Variants in KCNMB2 observed in about 807,000 individuals in gnomAD.
KCNMB2 encodes the protein potassium calcium-activated channel subfamily M regulatory beta subunit 2.
Under a neutral mutation model 24.5 loss-of-function variants are expected in KCNMB2, and 9 were observed. That is an observed-to-expected ratio of 0.37 (90% CI 0.22 to 0.64). The LOEUF (loss-of-function observed/expected upper bound fraction) is 0.64, where lower values mean the gene tolerates loss of function less well. Ranked by LOEUF, KCNMB2 falls within the 30% of genes least tolerant of loss-of-function variation. The probability of loss-of-function intolerance (pLI) is 0.63; values close to 1 mark genes in which losing one functional copy is unlikely to be tolerated. For missense variants in KCNMB2, 226 were observed against 284.3 expected, an observed-to-expected ratio of 0.79 and a Z score of 1.47; for synonymous variants, 109 against 104.4, an observed-to-expected ratio of 1.04 and a Z score of -0.27.
At chr3:178,615,460 T>C (rs1249117448) in intron 1 of KCNMB2, among the ~76,000 whole-genome samples, 1 of 152,206 alleles carries the variant, frequency 6.6e-6, no homozygotes, top group Admixed American at 6.5e-5. Context: ...ACTATTGTAT[T>C]GAGGCTGAGC....
intron 1 of KCNMB2, among the ~76,000 whole-genome samples, chr3:178,636,165 C>T (rs949572600): frequency 6.6e-6 from 1 of 152,154 alleles, no homozygotes; most frequent in Non-Finnish European, 1.5e-5. Flanking sequence ...TTTCCAAACC[C>T]AGCCCAGGGA....
chr3:178,625,335 C>A, intron 1 of KCNMB2, among the ~76,000 whole-genome samples: 1 of 152,084 alleles, frequency 6.6e-6, no homozygotes, highest in African/African-American at 2.4e-5. Context: ...AGGAGCTGGA[C>A]CCCCCCACCC....
chr3:178,712,785 C>T (rs1722496487), intron 1 of KCNMB2, among the ~76,000 whole-genome samples: 1 of 152,130 alleles, frequency 6.6e-6, no homozygotes, highest in Admixed American at 6.5e-5. Context: ...AACTGCCTTT[C>T]TATATAATCT....
chr3:178,663,655 C>A (rs1337326342), intron 1 of KCNMB2, among the ~76,000 whole-genome samples: 1 of 152,150 alleles, frequency 6.6e-6, no homozygotes, highest in Non-Finnish European at 1.5e-5. Flanking sequence ...CTTTACATAG[C>A]TGCTCTCTAG....
At chr3:178,658,532 T>A (rs917067345) in intron 1 of KCNMB2, among the ~76,000 whole-genome samples, 10 of 152,188 alleles carry the variant, frequency 6.6e-5, no homozygotes, top group African/African-American at 2.4e-4. Context: ...CCTGCACTGA[T>A]CCCTCTCTTC....
intron 1 of KCNMB2, among the ~76,000 whole-genome samples, chr3:178,670,165 A>G (rs141481534): frequency 5.3e-5 from 8 of 152,316 alleles, no homozygotes; most frequent in Non-Finnish European, 8.8e-5. Flanking sequence ...GGCAAAGGAA[A>G]AGAAAACATA....
intron 1 of KCNMB2, among the ~76,000 whole-genome samples, chr3:178,692,039 C>T (rs571710623): frequency 1.6e-3 from 238 of 152,270 alleles, no homozygotes; most frequent in Non-Finnish European, 1.6e-3. Flanking sequence ...TCATTGGCCA[C>T]ATGTATGTCT....
chr3:178,578,714 CAG>C (rs1397707400), intron 1 of KCNMB2, among the ~76,000 whole-genome samples: 1 of 152,120 alleles, frequency 6.6e-6, no homozygotes, highest in Non-Finnish European at 1.5e-5. Context: ...CAAAAAGAAG[CAG>C]AGTTTGCAAT....
chr3:178,582,275 C>G (rs1717240483), intron 1 of KCNMB2, among the ~76,000 whole-genome samples: 1 of 152,188 alleles, frequency 6.6e-6, no homozygotes, highest in Non-Finnish European at 1.5e-5. Flanking sequence ...GAAAACCAAA[C>G]ACCGCATGTT....
At chr3:178,643,786 G>A (rs1044862996) in intron 1 of KCNMB2, among the ~76,000 whole-genome samples, 5 of 152,082 alleles carry the variant, frequency 3.3e-5, no homozygotes, top group Admixed American at 1.3e-4. Flanking sequence ...CCTCACACAC[G>A]TTGCCTTCTT....
chr3:178,762,599 A>G (rs1577167416), intron 1 of KCNMB2, among the ~76,000 whole-genome samples: 2 of 152,134 alleles, frequency 1.3e-5, no homozygotes, highest in African/African-American at 2.4e-5. Flanking sequence ...CAGCCAAGAA[A>G]AAAATAATAC....
chr3:178,670,472 C>T (rs1248269418), intron 1 of KCNMB2, among the ~76,000 whole-genome samples: 2 of 152,078 alleles, frequency 1.3e-5, no homozygotes, highest in Non-Finnish European at 2.9e-5. Context: ...TCTAGTGTTA[C>T]GTGCCAGTGT....
intron 1 of KCNMB2, among the ~76,000 whole-genome samples, chr3:178,658,314 T>C (rs564078825): frequency 6.6e-6 from 1 of 152,208 alleles, no homozygotes; most frequent in African/African-American, 2.4e-5. Context: ...TCCCTCATAA[T>C]AACAAGTCCA....
intron 1 of KCNMB2, among the ~76,000 whole-genome samples, chr3:178,751,707 A>G (rs577746464): frequency 6.6e-6 from 1 of 150,936 alleles, no homozygotes; most frequent in East Asian, 2.0e-4. Flanking sequence ...TTATTTGGAG[A>G]GTGTGCTAGA....
At chr3:178,548,301 G>A (rs1021467634) in intron 1 of KCNMB2, among the ~76,000 whole-genome samples, 1 of 152,084 alleles carries the variant, frequency 6.6e-6, no homozygotes, top group African/African-American at 2.4e-5. Flanking sequence ...TCTGCCCTGG[G>A]TTTCTTCTGC....
intron 2 of KCNMB2, among the ~76,000 whole-genome samples, chr3:178,818,085 C>T (rs1714477066): frequency 6.6e-6 from 1 of 152,118 alleles, no homozygotes; most frequent in South Asian, 2.1e-4. Context: ...TCCCTGCATC[C>T]ACCAGGTGCC....
At chr3:178,702,086 G>A (rs1388174790) in intron 1 of KCNMB2, among the ~76,000 whole-genome samples, 9 of 151,944 alleles carry the variant, frequency 5.9e-5, no homozygotes, top group Non-Finnish European at 1.3e-4. Context: ...TATACACCAT[G>A]GAATACTATG....
chr3:178,587,370 T>A (rs1263859985), intron 1 of KCNMB2, among the ~76,000 whole-genome samples: 1 of 152,002 alleles, frequency 6.6e-6, no homozygotes, highest in Non-Finnish European at 1.5e-5. Flanking sequence ...ACCCCTAGAG[T>A]CCAAGGACCT....
chr3:178,576,048 G>A (rs936110754), intron 1 of KCNMB2, among the ~76,000 whole-genome samples: 3 of 152,152 alleles, frequency 2.0e-5, no homozygotes, highest in African/African-American at 7.2e-5. Context: ...ATAAGGGGGT[G>A]GCTGGTAAGA....
Sources: allele counts gnomAD v4.1 joint callset (sites outside exome capture counted in the v4.1 genomes callset), GRCh38; gene constraint gnomAD v4.1.1; transcripts MANE v1.5; gene names NCBI Gene and HGNC (gene_info 2026-07-23, HGNC 2026-07-21).